Variants in FBXL20 observed in about 807,000 individuals in gnomAD.
FBXL20 encodes F-box and leucine rich repeat protein 20, also known as F-box/LRR-repeat protein 20.
Under a neutral mutation model 64.0 loss-of-function variants are expected in FBXL20, and 11 were observed. That is an observed-to-expected ratio of 0.17 (90% CI 0.11 to 0.28). The LOEUF (loss-of-function observed/expected upper bound fraction) is 0.28, where lower values mean the gene tolerates loss of function less well. FBXL20 is among the 10% of genes least tolerant of loss of function. The pLI, the probability that FBXL20 is intolerant of heterozygous loss-of-function variation, is 1.00. For synonymous variants in FBXL20, 184 were observed against 189.0 expected (o/e 0.97, Z 0.22); for missense variants, 303 against 526.2 (o/e 0.58, Z 4.15).
intron 11 of FBXL20, 59 bp from the exon 12 acceptor site, chr17:39,268,930 C>G (rs2144350351): frequency 6.8e-7 from 1 of 1,460,982 alleles, no homozygotes; most frequent in Non-Finnish European, 9.5e-7. Context: ...ACATGAGAAA[C>G]TTTTAAGGAC....
intron 2 of FBXL20, among the ~76,000 whole-genome samples, chr17:39,341,178 T>C (rs1022954970): frequency 3.9e-5 from 6 of 152,134 alleles, no homozygotes; most frequent in African/African-American, 1.4e-4. Flanking sequence ...CTAATTTCAT[T>C]TGGCCTCCAA....
intron 2 of FBXL20, among the ~76,000 whole-genome samples, chr17:39,330,348 T>G (rs2047448869): frequency 6.6e-6 from 1 of 151,694 alleles, no homozygotes; most frequent in South Asian, 2.1e-4. Flanking sequence ...GTGCAGTGGC[T>G]CATGCCTGTA....
At position 39,261,540 on chromosome 17, in the gene FBXL20, C is replaced by T; in HGVS notation, c.1231G>A (p.Ala411Thr). The change falls in exon 15 of 15, where the codon GCC (alanine) becomes ACC (threonine). Residue 411 changes from alanine (A) to threonine (T), a missense_variant. Ala to Thr is a moderately conservative substitution (Grantham distance 58). Around this residue, in one of 3 missense-constraint regions of FBXL20, gnomAD observed 56 missense variants for 86.0 expected, o/e 0.65. Transcript: ENST00000264658. ...RTHLPNIKVH[A>T]YFAPVTPPPS... Reference sequence around the variant, plus strand: ...GGTGGAGTGACAGGTGCGAAGTAGGCGTGGACTTTAATATTGGGTAAATGG... The same window carrying T: ...GGTGGAGTGACAGGTGCGAAGTAGGTGTGGACTTTAATATTGGGTAAATGG... 6.2e-7 allele frequency: 1 copy of T among 1,613,626 alleles called. No individual in the cohort carries two copies. Among genetic ancestry groups the T allele is most frequent in the Non-Finnish European group, 8.5e-7 (1 of 1,179,684 alleles).
intron 2 of FBXL20, among the ~76,000 whole-genome samples, chr17:39,320,616 T>C (rs1033437413): frequency 4.1e-5 from 6 of 147,040 alleles, no homozygotes; most frequent in Non-Finnish European, 7.4e-5. Flanking sequence ...TTTTTTGAGA[T>C]AGAGTTTTAC....
chr17:39,313,727 C>T (rs1463485068), intron 2 of FBXL20, among the ~76,000 whole-genome samples: 1 of 152,076 alleles, frequency 6.6e-6, no homozygotes, highest in Admixed American at 6.6e-5. Context: ...CCTCTACCTC[C>T]TGGGTTCAAG....
chr17:39,402,506 G>A (rs2048259804), upstream of FBXL20: 1 of 311,226 alleles, frequency 3.2e-6, no homozygotes, highest in Admixed American at 5.0e-5. Context: ...GCTGGAGCCG[G>A]GCAACCCTTC....
chr17:39,365,891 T>G (rs919601397), intron 1 of FBXL20, among the ~76,000 whole-genome samples: 2 of 152,240 alleles, frequency 1.3e-5, no homozygotes, highest in African/African-American at 2.4e-5. Flanking sequence ...TTATTTCATG[T>G]CCACCTCTCC....
At chr17:39,265,364 G>A (rs748295508) in intron 13 of FBXL20, 33 bp downstream of exon 13, 1 of 1,557,830 alleles carries the variant, frequency 6.4e-7, no homozygotes, top group South Asian at 1.1e-5. Context: ...ATTAAACCCA[G>A]TAAACACATA....
chr17:39,388,352 G>A (rs929587254), intron 1 of FBXL20, among the ~76,000 whole-genome samples: 10 of 151,930 alleles, frequency 6.6e-5, no homozygotes, highest in African/African-American at 2.2e-4. Context: ...CCAGCTACTC[G>A]GGAAGGTGAG....
intron 1 of FBXL20, among the ~76,000 whole-genome samples, chr17:39,387,764 G>C (rs895890352): frequency 6.6e-6 from 1 of 151,990 alleles, no homozygotes; most frequent in Admixed American, 6.6e-5. Context: ...TTTTTGTAGA[G>C]ATGAGGTCTC....
At chr17:39,310,068 GTTTGAA>G (rs1050664773) in intron 2 of FBXL20, among the ~76,000 whole-genome samples, 1 of 150,104 alleles carries the variant, frequency 6.7e-6, no homozygotes, top group African/African-American at 2.5e-5. Context: ...CGGGAGGATT[GTTTGAA>G]TCAAGGAAAC....
chr17:39,309,418 C>T (rs527936519), intron 2 of FBXL20, among the ~76,000 whole-genome samples: 1 of 152,288 alleles, frequency 6.6e-6, no homozygotes, highest in Non-Finnish European at 1.5e-5. Flanking sequence ...TGAAGGATTA[C>T]TTAAACTAGG....
Position 39,301,095 on chromosome 17 carries a change from A to G in FBXL20, c.160-20T>C. The G allele has an allele frequency of 1.9e-6, 3 of 1,608,568 alleles. No homozygotes were observed. Among genetic ancestry groups the G allele is most frequent in the Non-Finnish European group, 2.5e-6 (3 of 1,176,526 alleles). ...CCAGGCCTATTTTAAAGAAAAAGAG[A>G]CAGAATGAGCAGAAGCTAAAATTAA... On this transcript the variant is annotated intron_variant, in intron 3 of 14. Coordinates refer to ENST00000264658, the MANE Select transcript of FBXL20 (RefSeq NM_032875.3).
chr17:39,297,384 T>G, intron 5 of FBXL20, 189 bp from the exon 6 acceptor site: 1 of 387,846 alleles, frequency 2.6e-6, no homozygotes, highest in Non-Finnish European at 4.6e-6. Context: ...TCTTTGTAAT[T>G]TCCTGAGTGA....
chr17:39,363,813 A>AAAAAAAAAAC (rs1555612709), intron 1 of FBXL20, among the ~76,000 whole-genome samples: 11,829 of 118,822 alleles, frequency 0.1, 1,274 homozygotes, highest in African/African-American at 0.16. Flanking sequence ...TTTATCTCAA[A>AAAAAAAAAAC]AAAAAAAAAA....
chr17:39,399,904 C>T (rs534454806), intron 1 of FBXL20, among the ~76,000 whole-genome samples: 18 of 152,308 alleles, frequency 1.2e-4, no homozygotes, highest in Admixed American at 1.2e-3. Context: ...AGGCAAAAGA[C>T]TGTCCCCGAC....
chr17:39,386,328 T>A (rs1027448221), intron 1 of FBXL20, among the ~76,000 whole-genome samples: 1 of 150,238 alleles, frequency 6.7e-6, no homozygotes, highest in Non-Finnish European at 1.5e-5. Flanking sequence ...AATAAATAAA[T>A]AAAAATTAAT....
intron 2 of FBXL20, among the ~76,000 whole-genome samples, chr17:39,313,399 A>G (rs906513438): frequency 6.7e-6 from 1 of 150,312 alleles, no homozygotes; most frequent in African/African-American, 2.5e-5. Context: ...ACGCCAGCTA[A>G]TTTTTGTATT....
At chr17:39,390,624 G>C (rs1220083132) in intron 1 of FBXL20, among the ~76,000 whole-genome samples, 1 of 151,800 alleles carries the variant, frequency 6.6e-6, no homozygotes, top group Non-Finnish European at 1.5e-5. Context: ...CTACTGGGGA[G>C]ACAGAGGTGG....
Sources: gnomAD v4.1 joint callset for allele counts (sites outside exome capture counted in the v4.1 genomes callset) on GRCh38, gnomAD v4.1.1 for gene constraint, gnomAD v4.1.1 regional missense constraint, MANE v1.5 for transcripts, NCBI Gene and HGNC (gene_info 2026-07-23, HGNC 2026-07-21) for gene names.